DBI: variants seen among roughly 807,000 people sequenced by gnomAD.
DBI encodes acyl-CoA-binding protein.
DBI carries 12 observed loss-of-function variants against 13.0 expected under a neutral mutation model. The observed-to-expected ratio is 0.92, with a 90% CI of 0.59 to 1.49. DBI has a LOEUF of 1.49. Ranked by LOEUF, DBI falls within the 40% of genes most tolerant of loss-of-function variation. DBI has a pLI of 0.00. For synonymous variants in DBI, 37 were observed against 37.4 expected (o/e 0.99, Z 0.04); for missense variants, 95 against 104.8 (o/e 0.91, Z 0.41).
In DBI at chr2:119,370,781, G is replaced by A. The variant is rs972363812; in HGVS notation, c.169G>A (p.Asp57Asn). ...GGACTTCACGGGCAAGGCCAAGTGG[G>A]ATGCCTGGAATGAGCTGAAAGGTAA... The part of the protein sequence containing the change: ...MLDFTGKAKW[D>N]AWNELKGTSK... Residue 57 changes from aspartate (D) to asparagine (N), a missense_variant, in exon 3 of 4, where the codon GAT becomes AAT. Coordinates refer to ENST00000355857, the MANE Select transcript of DBI (RefSeq NM_001079862.4). 3 of 1,613,958 alleles carry A rather than the reference G, an allele frequency of 1.9e-6. No homozygotes were observed. Among genetic ancestry groups the A allele is most frequent in the African/African-American group, 2.7e-5 (2 of 74,930 alleles).
chr2:119,368,096 C>T, intron 1 of DBI, 92 bp from the exon 2 acceptor site: 1 of 1,482,744 alleles, frequency 6.7e-7, no homozygotes, highest in Admixed American at 1.7e-5. Context: ...CCTCTCCATC[C>T]CCGTAACTGG....
intron 1 of DBI, chr2:119,367,509 G>A: frequency 2.5e-6 from 4 of 1,601,682 alleles, no homozygotes; most frequent in Non-Finnish European, 3.4e-6. Context: ...GGGACGAGGA[G>A]AATCGCGGCC....
Position 119,367,552 on chromosome 2 carries a change from T to C in DBI, c.9+492T>C, listed in dbSNP as rs1178103367. 3.1e-6 allele frequency: 5 copies of C among 1,612,710 alleles called. No individual in the cohort carries two copies. The South Asian group carries it at 5.5e-5, about 18-fold the overall frequency. ...AGGTGACCCAGGGGCCCCTCCCTTCTCTCCAGTGTAGACCCTTGTCTGAGA... is the reference window on the plus strand; with the variant it reads ...AGGTGACCCAGGGGCCCCTCCCTTCCCTCCAGTGTAGACCCTTGTCTGAGA... On this transcript the variant is annotated intron_variant, in intron 1 of 3. Coordinates refer to ENST00000355857, the MANE Select transcript of DBI (RefSeq NM_001079862.4).
intron 3 of DBI, among the ~76,000 whole-genome samples, chr2:119,371,235 C>T (rs575428904): frequency 6.6e-6 from 1 of 152,298 alleles, no homozygotes; most frequent in East Asian, 1.9e-4. Context: ...TGAGCTAATG[C>T]ATGGCCTGCC....
intron 1 of DBI, chr2:119,367,661 C>G: frequency 6.2e-7 from 1 of 1,613,784 alleles, no homozygotes; most frequent in African/African-American, 1.3e-5. Flanking sequence ...GTTGAACGCG[C>G]GGGCCCCAGG....
intron 2 of DBI, 164 bp downstream of exon 2, chr2:119,368,469 CAGTGTCTCCAGT>C: frequency 1.6e-6 from 1 of 623,096 alleles, no homozygotes; most frequent in Non-Finnish European, 2.9e-6. Context: ...TCCGGATTCT[CAGTGTCTCCAGT>C]AGTAACAGAA....
intron 2 of DBI, chr2:119,368,538 T>C: frequency 2.0e-6 from 1 of 488,610 alleles, no homozygotes; most frequent in Non-Finnish European, 3.7e-6. Context: ...CACCAGCAGC[T>C]ACTCTCTACT....
chr2:119,367,764 G>C, intron 1 of DBI: 1 of 1,608,570 alleles, frequency 6.2e-7, no homozygotes, highest in Non-Finnish European at 8.5e-7. Flanking sequence ...TGCCCCGTCT[G>C]TCCTCAGGCC....
intron 1 of DBI, chr2:119,367,493 G>T (rs767455924): frequency 6.2e-7 from 1 of 1,600,122 alleles, no homozygotes; most frequent in Non-Finnish European, 8.5e-7. Flanking sequence ...CGGCTGCTCA[G>T]AGTGCGGGAC....
intron 1 of DBI, chr2:119,367,360 G>A: frequency 6.9e-7 from 1 of 1,448,906 alleles, no homozygotes; most frequent in Non-Finnish European, 9.1e-7. Flanking sequence ...GGAAGGGGTT[G>A]CACGGATTGG....
At chr2:119,369,004 G>A (rs966164217) in intron 2 of DBI, among the ~76,000 whole-genome samples, 8 of 152,190 alleles carry the variant, frequency 5.3e-5, no homozygotes, top group Non-Finnish European at 7.3e-5. Context: ...GAGGAAGAAG[G>A]CGAGCATGGT....
At chr2:119,372,085 G>T (rs1427658233) in intron 3 of DBI, among the ~76,000 whole-genome samples, 160 bp from the exon 4 acceptor site, 2 of 152,192 alleles carry the variant, frequency 1.3e-5, no homozygotes, top group Non-Finnish European at 2.9e-5. Flanking sequence ...CTTCGGGCCA[G>T]GTTCTGTGGA....
rs1681315056 is a variant in DBI, at chr2:119,369,044, A to G, written c.127+739A>G. On this transcript the variant is annotated intron_variant, in intron 2 of 3. Coordinates refer to ENST00000355857, the MANE Select transcript of DBI (RefSeq NM_001079862.4). ...ATTTCCGCAGTAGCTGGGGTGGAAG[A>G]TGGAGCAGGTGGGCTGGCTGCCAAC... 2.6e-5 allele frequency among the ~76,000 whole-genome samples: 4 copies of G among 152,210 alleles called. 1 individual carries two copies. In the South Asian group the frequency reaches 8.3e-4, roughly 32 times the overall value.
At position 119,367,017 on chromosome 2, in the gene DBI, C is replaced by T. The variant is rs11547640; in HGVS notation, c.-35C>T. Reference sequence around the variant, plus strand: ...ATCGCTTCCTGGTCCTCGCCTCCTCCGCTGTCTCCCTGGAGTTCTTGCAAG... The same window carrying T: ...ATCGCTTCCTGGTCCTCGCCTCCTCTGCTGTCTCCCTGGAGTTCTTGCAAG... On this transcript the variant is annotated 5_prime_UTR_variant, in exon 1 of 4. Transcript: ENST00000355857. 4 of 1,613,784 alleles carry T rather than the reference C, an allele frequency of 2.5e-6. No homozygotes were observed. Among genetic ancestry groups the T allele is most frequent in the South Asian group, 2.2e-5 (2 of 91,042 alleles).
At chr2:119,372,155 G>A in intron 3 of DBI, 90 bp from the exon 4 acceptor site, 1 of 869,512 alleles carries the variant, frequency 1.2e-6, no homozygotes, top group South Asian at 1.4e-5. Context: ...GAGCCTAGGA[G>A]AGTTACAGCA....
intron 2 of DBI, among the ~76,000 whole-genome samples, chr2:119,369,431 A>G (rs1352557740): frequency 1.3e-5 from 2 of 152,232 alleles, no homozygotes; most frequent in Non-Finnish European, 2.9e-5. Flanking sequence ...ACACGATTAT[A>G]AAACATGATA....
intron 1 of DBI, 30 bp downstream of exon 1, chr2:119,367,090 G>C: frequency 6.2e-7 from 1 of 1,613,300 alleles, no homozygotes; most frequent in South Asian, 1.1e-5. Context: ...AGGCTGCGAA[G>C]GTGCAGCGGG....
intron 1 of DBI, chr2:119,367,480 G>T (rs1463988540): frequency 1.3e-6 from 2 of 1,595,688 alleles, no homozygotes; most frequent in Non-Finnish European, 8.6e-7. Context: ...GGAAGTACGG[G>T]GCCGGCTGCT....
rs1007668747 is a variant in DBI, at chr2:119,370,949, C to T, written c.190+147C>T. ...GACCTGTGCCAGAATGGGAAAAAACCGGGCCACCTACTTTTTCTCCTAACA... is the reference window on the plus strand; with the variant it reads ...GACCTGTGCCAGAATGGGAAAAAACTGGGCCACCTACTTTTTCTCCTAACA... On this transcript the variant is annotated intron_variant, in intron 3 of 3. Coordinates refer to ENST00000355857, the MANE Select transcript of DBI (RefSeq NM_001079862.4). 32 of 655,980 alleles carry T rather than the reference C, an allele frequency of 4.9e-5. 1 individual carries two copies. The highest frequency in any genetic ancestry group is 5.2e-4 in the Middle Eastern group (2 of 3,846). 40.6% of individuals were successfully genotyped at this position (655,980 alleles called of 1,614,324 possible).
Sources: allele counts gnomAD v4.1 joint callset (sites outside exome capture counted in the v4.1 genomes callset), GRCh38; gene constraint gnomAD v4.1.1; transcripts MANE v1.5; gene names NCBI Gene and HGNC (gene_info 2026-07-23, HGNC 2026-07-21).